DSCAM: variants seen among roughly 807,000 people sequenced by gnomAD.
DSCAM encodes DS cell adhesion molecule, also known as cell adhesion molecule DSCAM.
DSCAM carries 47 observed loss-of-function variants against 217.7 expected under a neutral mutation model. That is an observed-to-expected ratio of 0.22 (90% CI 0.17 to 0.28). The LOEUF is 0.28. Ranked by LOEUF, DSCAM falls within the 10% of genes least tolerant of loss-of-function variation. The pLI is 1.00. For missense variants in DSCAM, 2,080 were observed against 2,618.3 expected, an observed-to-expected ratio of 0.79 and a Z score of 4.49; for synonymous variants, 1,056 against 1,015.3, an observed-to-expected ratio of 1.04 and a Z score of -0.76.
At chr21:40,021,334 G>C (rs1405521603) in intron 32 of DSCAM, among the ~76,000 whole-genome samples, 1 of 152,154 alleles carries the variant, frequency 6.6e-6, no homozygotes, top group African/African-American at 2.4e-5. Context: ...ACAGTGGTAA[G>C]GAGCAGTGGA....
At position 40,648,964 on chromosome 21, in the gene DSCAM, G is replaced by A. The variant is rs185800079; in HGVS notation, c.508+43846C>T. Among the ~76,000 whole-genome samples the A allele has an allele frequency of 3.9e-5, 6 of 152,334 alleles. No homozygotes were observed. The East Asian group carries it at 7.7e-4, about 20-fold the overall frequency. On this transcript the variant is annotated intron_variant, in intron 3 of 32. Transcript: ENST00000400454. Reference sequence around the variant, plus strand: ...ATAGGACAGCAAGCTCAGCGGGTGGGGGTGCCTCCAATGGCAGGCCCGGGG... The same window carrying A: ...ATAGGACAGCAAGCTCAGCGGGTGGAGGTGCCTCCAATGGCAGGCCCGGGG...
At chr21:40,603,345 T>C (rs1568932248) in intron 3 of DSCAM, among the ~76,000 whole-genome samples, 1 of 152,208 alleles carries the variant, frequency 6.6e-6, no homozygotes, top group East Asian at 1.9e-4. Context: ...TTCAGTTGTT[T>C]GATGGCATTG....
chr21:40,369,113 C>T lies in DSCAM; in HGVS notation c.641G>A (p.Arg214Lys). Residue 214 changes from arginine (R) to lysine (K), a missense_variant, in exon 4 of 33, where the codon AGA becomes AAA. By Grantham distance (26) the Arg-to-Lys change is conservative. This residue lies in a region of DSCAM where 568 missense variants were observed against 678.1 expected (regional missense o/e 0.84). Transcript: ENST00000400454. ...TGETRQSNSA[R>K]LFVSDPANSA... ...TAAGTTTTTACCTGATACAAAAAGT[C>T]TGGCGCTGTTGCTCTGCCTCGTCTC... is the stretch of plus-strand genomic sequence containing the variant. 6.2e-7 allele frequency: 1 copy of T among 1,610,028 alleles called. No homozygotes were observed. The highest frequency in any genetic ancestry group is 1.1e-5 in the South Asian group (1 of 89,788).
chr21:40,815,073 G>C (rs1054672827), intron 1 of DSCAM, among the ~76,000 whole-genome samples: 2 of 152,168 alleles, frequency 1.3e-5, no homozygotes, highest in African/African-American at 4.8e-5. Context: ...GCAGCCCAGT[G>C]ATGCAGGCAG....
At chr21:40,534,009 C>T (rs1252921659) in intron 3 of DSCAM, among the ~76,000 whole-genome samples, 2 of 152,072 alleles carry the variant, frequency 1.3e-5, no homozygotes, top group Non-Finnish European at 2.9e-5. Flanking sequence ...TTAAAATTTA[C>T]TTGATAAATC....
intron 4 of DSCAM, among the ~76,000 whole-genome samples, chr21:40,366,876 A>G (rs183081063): frequency 3.3e-4 from 50 of 152,202 alleles, no homozygotes; most frequent in African/African-American, 1.2e-3. Context: ...TGTTTTTTAC[A>G]TTCTAAGGCT....
intron 3 of DSCAM, among the ~76,000 whole-genome samples, chr21:40,612,550 T>C (rs1414399027): frequency 6.6e-6 from 1 of 152,182 alleles, no homozygotes; most frequent in Non-Finnish European, 1.5e-5. Context: ...CATTGGTGTC[T>C]ACCCAGCAGA....
At chr21:40,113,311 C>T (rs1305238425) in intron 20 of DSCAM, among the ~76,000 whole-genome samples, 1 of 152,070 alleles carries the variant, frequency 6.6e-6, no homozygotes, top group Non-Finnish European at 1.5e-5. Flanking sequence ...AAGACAAAAA[C>T]CACATGATTA....
intron 3 of DSCAM, among the ~76,000 whole-genome samples, chr21:40,650,543 C>T (rs1882785): frequency 0.4 from 60,894 of 152,114 alleles, 12,629 homozygotes; most frequent in East Asian, 0.61. Flanking sequence ...TTTCAGAGCC[C>T]GGATAGAACA....
chr21:40,426,513 T>A (rs746391180), intron 3 of DSCAM, among the ~76,000 whole-genome samples: 1 of 152,226 alleles, frequency 6.6e-6, no homozygotes, highest in Admixed American at 6.5e-5. Context: ...TCGTTATACA[T>A]TCTAAATTGT....
At chr21:40,554,196 G>GT (rs113016250) in intron 3 of DSCAM, among the ~76,000 whole-genome samples, 3,310 of 132,516 alleles carry the variant, frequency 0.025, 58 homozygotes, top group African/African-American at 0.056. Flanking sequence ...TTGATTGTTA[G>GT]TTTTTTTTTT....
At chr21:40,828,124 C>T (rs1164937948) in intron 1 of DSCAM, among the ~76,000 whole-genome samples, 1 of 152,086 alleles carries the variant, frequency 6.6e-6, no homozygotes, top group Non-Finnish European at 1.5e-5. Context: ...AAGGGCAGGA[C>T]TGATGCAGTG....
rs537266170 is a variant in DSCAM at position 40,376,369 on chromosome 21, T to C, written c.509-7124A>G. On this transcript the variant is annotated intron_variant, in intron 3 of 32. Coordinates refer to ENST00000400454, the MANE Select transcript of DSCAM (RefSeq NM_001389.5). ...ACCACATGATCCTCTTAGCATTAAC[T>C]AAAATAGAAGTGGAAATAGAAGATA... Among the ~76,000 whole-genome samples, 382 of 150,066 alleles carry C rather than the reference T, an allele frequency of 2.5e-3. 9 individuals are homozygous for C. The highest frequency in any genetic ancestry group is 3.5e-3 in the East Asian group (18 of 5,126).
intron 3 of DSCAM, among the ~76,000 whole-genome samples, chr21:40,521,993 T>C (rs2076363013): frequency 6.6e-6 from 1 of 152,210 alleles, no homozygotes. Context: ...TGTGTGTCAA[T>C]TAAACTTTTT....
At chr21:40,063,839 G>A (rs367690107) in intron 27 of DSCAM, among the ~76,000 whole-genome samples, 25 of 152,266 alleles carry the variant, frequency 1.6e-4, no homozygotes, top group Non-Finnish European at 3.2e-4. Flanking sequence ...GACGTGGACA[G>A]TCACAGAATG....
At chr21:40,624,487 G>A (rs562944600) in intron 3 of DSCAM, among the ~76,000 whole-genome samples, 1 of 152,308 alleles carries the variant, frequency 6.6e-6, no homozygotes, top group African/African-American at 2.4e-5. Context: ...GATTACCAAA[G>A]TAGGAAAACA....
chr21:40,845,999 GTTT>G (rs71332311), intron 1 of DSCAM, among the ~76,000 whole-genome samples: 2 of 141,596 alleles, frequency 1.4e-5, no homozygotes. Flanking sequence ...CTATACAGGT[GTTT>G]TTTTTTTTTT....
intron 3 of DSCAM, among the ~76,000 whole-genome samples, chr21:40,392,601 T>C (rs2075143875): frequency 6.6e-6 from 1 of 152,170 alleles, no homozygotes; most frequent in African/African-American, 2.4e-5. Flanking sequence ...GGAATTGGAA[T>C]TCCAGGATGG....
chr21:40,163,839 G>A (rs957390538), intron 16 of DSCAM, among the ~76,000 whole-genome samples: 2 of 152,206 alleles, frequency 1.3e-5, no homozygotes, highest in Admixed American at 1.3e-4. Flanking sequence ...TGTATCATGA[G>A]TTAGACCTGA....
Sources: gnomAD v4.1 joint callset for allele counts (sites outside exome capture counted in the v4.1 genomes callset) on GRCh38, gnomAD v4.1.1 for gene constraint, gnomAD v4.1.1 regional missense constraint, MANE v1.5 for transcripts, NCBI Gene and HGNC (gene_info 2026-07-23, HGNC 2026-07-21) for gene names.